Variants in PLXNA4 observed in about 807,000 individuals in gnomAD.
PLXNA4 encodes the protein plexin-A4.
In PLXNA4, 44 loss-of-function variants were observed where a neutral mutation model predicts 191.8. The ratio of observed to expected loss-of-function variants is 0.23; its 90% confidence interval spans 0.18 to 0.29. The LOEUF (loss-of-function observed/expected upper bound fraction) is 0.29, where lower values mean the gene tolerates loss of function less well. PLXNA4 is among the 10% of genes least tolerant of loss of function. PLXNA4 has a pLI of 1.00. For missense variants in PLXNA4, 1,800 were observed against 2,488.8 expected (o/e 0.72, Z 5.89); for synonymous variants, 1,082 against 1,009.5 (o/e 1.07, Z -1.36).
At chr7:132,254,511 T>C (rs1368218295) in intron 4 of PLXNA4, among the ~76,000 whole-genome samples, 1 of 152,208 alleles carries the variant, frequency 6.6e-6, no homozygotes, top group African/African-American at 2.4e-5. Flanking sequence ...GGTTTCCTCC[T>C]ATGCATAAAG....
In PLXNA4 at chr7:132,241,092, G is replaced by A. The variant is rs749101091; in HGVS notation, c.1578C>T (p.His526=). The change falls in exon 5 of 32, where the codon CAC becomes CAT. Residue 526 remains histidine (H), a synonymous_variant. Transcript: ENST00000321063. ...TGTTGTGCAGCACACACCAGCCACA[G>A]TGGGGGTCGCCTGAGCCAAGGCACT... ...CGECLGSGDP[H]CGWCVLHNTC... The A allele has an allele frequency of 1.9e-6, 3 of 1,613,182 alleles. No homozygotes were observed. Among genetic ancestry groups the A allele is most frequent in the Middle Eastern group, 1.6e-4 (1 of 6,080 alleles).
intron 4 of PLXNA4, among the ~76,000 whole-genome samples, chr7:132,245,670 A>G (rs1327437025): frequency 6.6e-6 from 1 of 152,246 alleles, no homozygotes; most frequent in Non-Finnish European, 1.5e-5. Context: ...TAGCCAAAAG[A>G]TGGAAGCAAC....
intron 1 of PLXNA4, among the ~76,000 whole-genome samples, chr7:132,542,492 TA>T (rs1387606597): frequency 6.6e-6 from 1 of 152,246 alleles, no homozygotes; most frequent in Non-Finnish European, 1.5e-5. Flanking sequence ...GTAGATTTCT[TA>T]TTTAACCTGC....
intron 3 of PLXNA4, among the ~76,000 whole-genome samples, chr7:132,445,015 A>G (rs277495): frequency 0.91 from 136,933 of 151,234 alleles, 62,245 homozygotes; most frequent in East Asian, 1. Context: ...TTAGCCGGGC[A>G]CAGTGGCAGG....
chr7:132,562,351 T>TCG (rs1801220087), intron 1 of PLXNA4, among the ~76,000 whole-genome samples: 1 of 76,970 alleles, frequency 1.3e-5, no homozygotes, highest in Non-Finnish European at 2.7e-5. Context: ...CTTCTTCTCC[T>TCG]TCCTCCTCCT....
intron 5 of PLXNA4, among the ~76,000 whole-genome samples, chr7:132,229,570 G>A (rs936056368): frequency 3.3e-5 from 5 of 152,164 alleles, no homozygotes; most frequent in African/African-American, 1.2e-4. Context: ...GACAAGAGGA[G>A]ATGAGACAGC....
At chr7:132,471,330 C>T (rs549574966) in intron 3 of PLXNA4, among the ~76,000 whole-genome samples, 2 of 152,250 alleles carry the variant, frequency 1.3e-5, no homozygotes, top group East Asian at 3.9e-4. Context: ...AATGCAAGAA[C>T]GGTGTAATAC....
At chr7:132,529,857 G>A (rs569639293) in intron 1 of PLXNA4, among the ~76,000 whole-genome samples, 2 of 152,158 alleles carry the variant, frequency 1.3e-5, no homozygotes, top group South Asian at 2.1e-4. Context: ...CGCCTGCCTC[G>A]GCCTCCCAAA....
At chr7:132,397,778 A>T (rs1273292491) in intron 3 of PLXNA4, among the ~76,000 whole-genome samples, 2 of 152,184 alleles carry the variant, frequency 1.3e-5, no homozygotes, top group African/African-American at 4.8e-5. Context: ...TCAGTGTTTT[A>T]ATATGTATTT....
Position 132,562,897 on chromosome 7 carries a change from TC to T in PLXNA4, c.-87+13524del, listed in dbSNP as rs1202478031. ...CTCCTCTTCTTTCTCTGCCTCCTTC[TC>T]CCCCTCCTCCTCCTCTTCCTCCTCC... On this transcript the variant is annotated intron_variant, in intron 1 of 31. Transcript: ENST00000321063. 1.9e-4 allele frequency among the ~76,000 whole-genome samples: 20 copies of T among 106,662 alleles called. 1 individual carries two copies. In the East Asian group the frequency reaches 4.5e-3, roughly 24 times the overall value. The allele number at this position is 106,662 out of a possible 152,430, so 70.0% of individuals were successfully genotyped here.
At chr7:132,285,230 G>A (rs530201984) in intron 4 of PLXNA4, among the ~76,000 whole-genome samples, 18 of 152,146 alleles carry the variant, frequency 1.2e-4, no homozygotes, top group Admixed American at 9.8e-4. Context: ...ACGGAAATAC[G>A]CAGAGATTAA....
chr7:132,477,100 T>G (rs1028920095), intron 3 of PLXNA4, among the ~76,000 whole-genome samples: 2 of 152,214 alleles, frequency 1.3e-5, no homozygotes, highest in African/African-American at 4.8e-5. Flanking sequence ...CACAAGCTCT[T>G]TAAGTCAAGA....
At chr7:132,163,855 G>A (rs1452352276) in intron 24 of PLXNA4, among the ~76,000 whole-genome samples, 1 of 152,204 alleles carries the variant, frequency 6.6e-6, no homozygotes, top group Non-Finnish European at 1.5e-5. Flanking sequence ...CCTGGGTCAA[G>A]GGCTTTGACC....
chr7:132,300,434 TA>T (rs1801260645), intron 3 of PLXNA4, among the ~76,000 whole-genome samples: 1 of 152,240 alleles, frequency 6.6e-6, no homozygotes, highest in Non-Finnish European at 1.5e-5. Flanking sequence ...ATATTTATTT[TA>T]AAAATGAATA....
intron 5 of PLXNA4, among the ~76,000 whole-genome samples, chr7:132,233,524 G>C (rs1002430056): frequency 6.6e-6 from 1 of 152,228 alleles, no homozygotes; most frequent in Non-Finnish European, 1.5e-5. Context: ...AGGTTCTACT[G>C]TAATTTTCCC....
At chr7:132,231,677 G>A (rs368736480) in intron 5 of PLXNA4, among the ~76,000 whole-genome samples, 19 of 152,226 alleles carry the variant, frequency 1.2e-4, no homozygotes, top group African/African-American at 4.6e-4. Context: ...CACTCATCTC[G>A]GCCTCCTAGA....
intron 3 of PLXNA4, among the ~76,000 whole-genome samples, chr7:132,356,168 C>G (rs542554016): frequency 8.6e-5 from 13 of 151,996 alleles, no homozygotes; most frequent in Non-Finnish European, 1.2e-4. Context: ...CCTGGCAGAT[C>G]GGTGAGAAGC....
chr7:132,494,904 GA>G (rs1194269231), intron 2 of PLXNA4, among the ~76,000 whole-genome samples: 1 of 152,218 alleles, frequency 6.6e-6, no homozygotes, highest in African/African-American at 2.4e-5. Flanking sequence ...AAGGACCCCA[GA>G]AGTGCCTGGT....
intron 4 of PLXNA4, among the ~76,000 whole-genome samples, chr7:132,270,689 C>T (rs1800033746): frequency 6.6e-6 from 1 of 152,216 alleles, no homozygotes; most frequent in African/African-American, 2.4e-5. Flanking sequence ...ACCTGATGTA[C>T]AGGCAGAATC....
Sources: gnomAD v4.1 joint callset for allele counts (sites outside exome capture counted in the v4.1 genomes callset) on GRCh38, gnomAD v4.1.1 for gene constraint, MANE v1.5 for transcripts, NCBI Gene and HGNC (gene_info 2026-07-23, HGNC 2026-07-21) for gene names.